WDR70: variants seen among roughly 807,000 people sequenced by gnomAD.
WDR70 encodes WD repeat-containing protein 70.
In WDR70, 53 loss-of-function variants were observed where a neutral mutation model predicts 88.6. The observed-to-expected ratio is 0.60, with a 90% CI of 0.48 to 0.75. The LOEUF (loss-of-function observed/expected upper bound fraction) is 0.75, where lower values mean the gene tolerates loss of function less well. WDR70 is among the 30% of genes least tolerant of loss of function. The probability of loss-of-function intolerance (pLI) is 0.00; values close to 1 mark genes in which losing one functional copy is unlikely to be tolerated. For missense variants in WDR70, 610 were observed against 823.2 expected, an observed-to-expected ratio of 0.74 and a Z score of 3.17; for synonymous variants, 280 against 270.0, an observed-to-expected ratio of 1.04 and a Z score of -0.36.
At chr5:37,707,655 C>T (rs1410081992) in intron 13 of WDR70, among the ~76,000 whole-genome samples, 1 of 151,724 alleles carries the variant, frequency 6.6e-6, no homozygotes, top group Non-Finnish European at 1.5e-5. Context: ...CGGCTTATGC[C>T]TGTAATCCCA....
chr5:37,725,075 T>C (rs977062793), intron 16 of WDR70, 25 bp downstream of exon 16: 22 of 1,603,454 alleles, frequency 1.4e-5, no homozygotes, highest in Non-Finnish European at 1.9e-5. Flanking sequence ...GCTAGTGACC[T>C]GCAGAGGGGG....
intron 8 of WDR70, chr5:37,506,687 C>T (rs954302706): frequency 1.3e-6 from 1 of 796,132 alleles, no homozygotes; most frequent in South Asian, 1.3e-5. Flanking sequence ...CATCATCATC[C>T]CTGATCAAAG....
chr5:37,679,647 G>A (rs926276891), intron 10 of WDR70, among the ~76,000 whole-genome samples: 1 of 152,210 alleles, frequency 6.6e-6, no homozygotes, highest in Non-Finnish European at 1.5e-5. Flanking sequence ...CCCTACTGGG[G>A]GGTGCCTCCC....
chr5:37,622,333 G>A (rs1349463186), intron 10 of WDR70, among the ~76,000 whole-genome samples: 1 of 151,696 alleles, frequency 6.6e-6, no homozygotes, highest in African/African-American at 2.4e-5. Context: ...AGTCAGTGTG[G>A]CGATTCCTCA....
chr5:37,543,594 A>G (rs1041836775), intron 9 of WDR70, among the ~76,000 whole-genome samples: 7 of 152,172 alleles, frequency 4.6e-5, no homozygotes, highest in Non-Finnish European at 1.0e-4. Flanking sequence ...TTATTGTACT[A>G]TTTAAACTTT....
chr5:37,441,346 A>T (rs1750646883), intron 6 of WDR70, among the ~76,000 whole-genome samples: 5 of 152,300 alleles, frequency 3.3e-5, no homozygotes, highest in Middle Eastern at 3.4e-3. Flanking sequence ...GTTCATGTCT[A>T]ATTTTAACAT....
intron 9 of WDR70, among the ~76,000 whole-genome samples, chr5:37,560,893 C>G (rs185901435): frequency 6.7e-6 from 1 of 148,800 alleles, no homozygotes; most frequent in Non-Finnish European, 1.5e-5. Context: ...CCCACTGCAG[C>G]CTTGAACTCC....
intron 7 of WDR70, among the ~76,000 whole-genome samples, chr5:37,472,415 A>C (rs1739353368): frequency 6.6e-6 from 1 of 152,044 alleles, no homozygotes; most frequent in South Asian, 2.1e-4. Flanking sequence ...TACTCAATAA[A>C]ATGTTTATGA....
At chr5:37,489,905 A>G (rs1561872966) in intron 8 of WDR70, among the ~76,000 whole-genome samples, 1 of 152,012 alleles carries the variant, frequency 6.6e-6, no homozygotes, top group Non-Finnish European at 1.5e-5. Flanking sequence ...CTAACTCGTC[A>G]TCTAGCATTA....
chr5:37,635,513 A>G (rs1052234105), intron 10 of WDR70, among the ~76,000 whole-genome samples: 2 of 152,218 alleles, frequency 1.3e-5, no homozygotes, highest in Non-Finnish European at 2.9e-5. Context: ...TTGACTCTGC[A>G]GAATTGGATT....
chr5:37,635,566 T>TA (rs1203643437), intron 10 of WDR70, among the ~76,000 whole-genome samples: 2 of 152,280 alleles, frequency 1.3e-5, no homozygotes, highest in Admixed American at 1.3e-4. Flanking sequence ...AGTGAATTTT[T>TA]AAAAATAGAT....
chr5:37,734,037 G>A (rs1581535681), intron 17 of WDR70, among the ~76,000 whole-genome samples: 2 of 151,810 alleles, frequency 1.3e-5, no homozygotes, highest in East Asian at 3.9e-4. Flanking sequence ...TGTTTATTGT[G>A]TTTTCTTATA....
intron 10 of WDR70, among the ~76,000 whole-genome samples, chr5:37,649,856 G>A (rs540278807): frequency 9.2e-4 from 126 of 137,614 alleles, no homozygotes; most frequent in African/African-American, 3.4e-3. Flanking sequence ...TCCTGCCTCA[G>A]CCTCCCGAGT....
chr5:37,469,324 T>C (rs1384810858), intron 7 of WDR70, among the ~76,000 whole-genome samples: 4 of 152,180 alleles, frequency 2.6e-5, no homozygotes, highest in Non-Finnish European at 5.9e-5. Context: ...CTCGAGCCTA[T>C]AAAAAGAGCT....
At chr5:37,468,003 C>T (rs193237963) in intron 7 of WDR70, among the ~76,000 whole-genome samples, 3,323 of 150,686 alleles carry the variant, frequency 0.022, 55 homozygotes, top group Non-Finnish European at 0.033. Context: ...AGTGAGCCAC[C>T]GCGCCTGGCC....
chr5:37,496,466 A>G (rs755226328), intron 8 of WDR70, among the ~76,000 whole-genome samples: 57 of 152,286 alleles, frequency 3.7e-4, no homozygotes, highest in Non-Finnish European at 6.5e-4. Context: ...CAAACTCCGG[A>G]CACACCATCT....
At chr5:37,412,490 T>G (rs1406660006) in intron 5 of WDR70, among the ~76,000 whole-genome samples, 1 of 152,214 alleles carries the variant, frequency 6.6e-6, no homozygotes, top group African/African-American at 2.4e-5. Context: ...TAACTCATAA[T>G]TAAATGGAAA....
At chr5:37,528,969 A>G (rs1741397915) in intron 9 of WDR70, among the ~76,000 whole-genome samples, 1 of 23,426 alleles carries the variant, frequency 4.3e-5, no homozygotes, top group African/African-American at 4.7e-5. Flanking sequence ...TTAGATTTAA[A>G]TATTTGATCA....
chr5:37,574,894 T>C (rs1413868660), intron 9 of WDR70, among the ~76,000 whole-genome samples: 2 of 152,188 alleles, frequency 1.3e-5, no homozygotes, highest in Non-Finnish European at 2.9e-5. Context: ...ATATAACACT[T>C]ACTTGTCCAT....
Sources: gnomAD v4.1 joint callset for allele counts (sites outside exome capture counted in the v4.1 genomes callset) on GRCh38, gnomAD v4.1.1 for gene constraint, MANE v1.5 for transcripts, NCBI Gene and HGNC (gene_info 2026-07-23, HGNC 2026-07-21) for gene names.